MACROD2: variants seen among roughly 807,000 people sequenced by gnomAD.
MACROD2 encodes the protein ADP-ribose glycohydrolase MACROD2.
MACROD2 carries 36 observed loss-of-function variants against 70.4 expected under a neutral mutation model. That is an observed-to-expected ratio of 0.51 (90% CI 0.39 to 0.68). The LOEUF (loss-of-function observed/expected upper bound fraction) is 0.68, where lower values mean the gene tolerates loss of function less well. Among genes scored for constraint, MACROD2 ranks in the 30% least tolerant of loss-of-function variants. MACROD2 has a pLI of 0.00. For synonymous variants in MACROD2, 172 were observed against 178.8 expected, an observed-to-expected ratio of 0.96 and a Z score of 0.30; for missense variants, 496 against 538.4, an observed-to-expected ratio of 0.92 and a Z score of 0.78.
intron 5 of MACROD2, among the ~76,000 whole-genome samples, chr20:15,080,203 C>G (rs1045763752): frequency 1.3e-5 from 2 of 152,136 alleles, no homozygotes; most frequent in African/African-American, 4.8e-5. Context: ...CTCTTCCAGG[C>G]TTTTAGAGCA....
intron 3 of MACROD2, among the ~76,000 whole-genome samples, chr20:14,288,993 T>C (rs1206593768): frequency 6.6e-6 from 1 of 152,184 alleles, no homozygotes; most frequent in African/African-American, 2.4e-5. Flanking sequence ...ACAACCCAGC[T>C]ACTTCCTTAT....
Position 15,630,595 on chromosome 20 carries a change from C to A in MACROD2, c.645+130748C>A, listed in dbSNP as rs190295992. Reference sequence around the variant, plus strand: ...TGTCATGTTATCCTGCTGATTAAGTCCATTAAGGATTCAGGTTGCATAACT... The same window carrying A: ...TGTCATGTTATCCTGCTGATTAAGTACATTAAGGATTCAGGTTGCATAACT... On this transcript the variant is annotated intron_variant, in intron 8 of 17. Coordinates refer to ENST00000684519, the MANE Select transcript of MACROD2 (RefSeq NM_001351661.2). Among the ~76,000 whole-genome samples, 353 of 152,274 alleles carry A rather than the reference C, an allele frequency of 2.3e-3. 1 individual carries two copies. Among genetic ancestry groups the A allele is most frequent in the Non-Finnish European group, 4.3e-3 (290 of 68,018 alleles).
intron 5 of MACROD2, among the ~76,000 whole-genome samples, chr20:15,127,667 C>T (rs1328136094): frequency 6.6e-6 from 1 of 152,052 alleles, no homozygotes; most frequent in Non-Finnish European, 1.5e-5. Flanking sequence ...CTGGCTTCTT[C>T]CCAATAAGTG....
At chr20:14,441,632 A>T (rs1434522375) in intron 3 of MACROD2, among the ~76,000 whole-genome samples, 1 of 152,218 alleles carries the variant, frequency 6.6e-6, no homozygotes, top group Non-Finnish European at 1.5e-5. Context: ...TTACTGCATC[A>T]TACAAGTCAG....
intron 5 of MACROD2, among the ~76,000 whole-genome samples, chr20:14,719,946 G>C (rs2071445387): frequency 6.6e-6 from 1 of 152,120 alleles, no homozygotes. Flanking sequence ...GGATAGAAGG[G>C]TATTTGGGCA....
At chr20:15,956,900 C>T (rs73597730) in intron 12 of MACROD2, among the ~76,000 whole-genome samples, 6,381 of 152,250 alleles carry the variant, frequency 0.042, 287 homozygotes, top group African/African-American at 0.12. Flanking sequence ...AAATACTATT[C>T]TTACTCTTCA....
chr20:15,502,725 T>C (rs2047379734), intron 8 of MACROD2, among the ~76,000 whole-genome samples: 1 of 152,086 alleles, frequency 6.6e-6, no homozygotes, highest in South Asian at 2.1e-4. Context: ...ATGCAGCCAA[T>C]AGGACTAGAG....
intron 7 of MACROD2, among the ~76,000 whole-genome samples, chr20:15,478,395 T>C (rs1199335171): frequency 6.6e-6 from 1 of 152,208 alleles, no homozygotes; most frequent in Admixed American, 6.5e-5. Context: ...AAGACAGGTC[T>C]ATATAAAATA....
At chr20:14,640,582 T>C (rs968647871) in intron 4 of MACROD2, among the ~76,000 whole-genome samples, 3 of 152,106 alleles carry the variant, frequency 2.0e-5, no homozygotes, top group African/African-American at 7.2e-5. Flanking sequence ...AGCCCTTCAA[T>C]CTACCCCAAA....
intron 8 of MACROD2, among the ~76,000 whole-genome samples, chr20:15,537,835 C>T (rs530060454): frequency 3.3e-5 from 5 of 152,244 alleles, no homozygotes; most frequent in African/African-American, 1.2e-4. Flanking sequence ...CCTCTGGCTC[C>T]CATGCTAGAT....
intron 4 of MACROD2, among the ~76,000 whole-genome samples, chr20:14,536,652 T>C (rs1404646876): frequency 7.0e-6 from 1 of 142,978 alleles, no homozygotes; most frequent in Non-Finnish European, 1.5e-5. Flanking sequence ...TGTGTGTGTG[T>C]GTGTGTGTGT....
At chr20:15,963,773 A>G (rs2066098865) in intron 12 of MACROD2, among the ~76,000 whole-genome samples, 1 of 152,152 alleles carries the variant, frequency 6.6e-6, no homozygotes, top group African/African-American at 2.4e-5. Context: ...GAAGTTTTTC[A>G]TTTTATTTTA....
At chr20:14,434,772 G>C (rs558548638) in intron 3 of MACROD2, among the ~76,000 whole-genome samples, 3 of 151,984 alleles carry the variant, frequency 2.0e-5, no homozygotes, top group Admixed American at 2.0e-4. Context: ...CCTTGAAATG[G>C]TTGCCAATAC....
At chr20:15,838,443 T>C (rs188289245) in intron 8 of MACROD2, among the ~76,000 whole-genome samples, 2 of 152,314 alleles carry the variant, frequency 1.3e-5, no homozygotes, top group African/African-American at 4.8e-5. Flanking sequence ...CAATTAGCTT[T>C]TTCTGGATTG....
intron 5 of MACROD2, among the ~76,000 whole-genome samples, chr20:14,823,338 A>C (rs1340663147): frequency 6.6e-6 from 1 of 152,152 alleles, no homozygotes; most frequent in Non-Finnish European, 1.5e-5. Context: ...TATTTCTTAT[A>C]ATTAATTTTA....
intron 3 of MACROD2, among the ~76,000 whole-genome samples, chr20:14,257,629 A>C (rs2082068401): frequency 6.6e-6 from 1 of 152,216 alleles, no homozygotes; most frequent in South Asian, 2.1e-4. Flanking sequence ...AATTAAGATT[A>C]CTTAAAAATA....
intron 5 of MACROD2, among the ~76,000 whole-genome samples, chr20:15,095,420 T>G (rs1417608735): frequency 6.6e-6 from 1 of 151,880 alleles, no homozygotes; most frequent in Non-Finnish European, 1.5e-5. Flanking sequence ...TGAACCAACC[T>G]TTGCTGTTTA....
intron 5 of MACROD2, among the ~76,000 whole-genome samples, chr20:15,111,620 G>C (rs2075956224): frequency 6.6e-6 from 1 of 152,148 alleles, no homozygotes; most frequent in African/African-American, 2.4e-5. Flanking sequence ...AATATGTTTG[G>C]TCCTTTCCAG....
At chr20:14,526,467 T>C (rs2085234244) in intron 4 of MACROD2, among the ~76,000 whole-genome samples, 1 of 152,232 alleles carries the variant, frequency 6.6e-6, no homozygotes. Context: ...TTCACACTTT[T>C]AATTGTTATT....
Sources: allele counts gnomAD v4.1 joint callset (sites outside exome capture counted in the v4.1 genomes callset), GRCh38; gene constraint gnomAD v4.1.1; transcripts MANE v1.5; gene names NCBI Gene and HGNC (gene_info 2026-07-23, HGNC 2026-07-21).